Variants in RIMS2 observed in about 807,000 individuals in gnomAD.
RIMS2 encodes the protein regulating synaptic membrane exocytosis 2, also known as regulating synaptic membrane exocytosis protein 2.
A neutral mutation model predicts 174.4 loss-of-function variants in RIMS2; 59 were observed. That is an observed-to-expected ratio of 0.34 (90% confidence interval 0.27 to 0.42). The LOEUF (loss-of-function observed/expected upper bound fraction) is 0.42. RIMS2 is among the 10% of genes least tolerant of loss of function. RIMS2 has a pLI of 1.00. For synonymous variants in RIMS2, 606 were observed against 572.5 expected (o/e 1.06, Z -0.84); for missense variants, 1,620 against 1,666.3 (o/e 0.97, Z 0.48).
intron 1 of RIMS2, among the ~76,000 whole-genome samples, chr8:103,679,466 TA>T (rs2096853238): frequency 1.3e-5 from 2 of 152,140 alleles, no homozygotes; most frequent in East Asian, 3.9e-4. Context: ...AAGATTACTT[TA>T]AAAAGGAGTA....
At chr8:103,528,418 G>A (rs1225189736) in intron 1 of RIMS2, among the ~76,000 whole-genome samples, 1 of 152,044 alleles carries the variant, frequency 6.6e-6, no homozygotes, top group Non-Finnish European at 1.5e-5. Flanking sequence ...TGTCAATTTT[G>A]GCTTTTGTTG....
At chr8:103,980,807 G>A (rs1172125611) in intron 16 of RIMS2, among the ~76,000 whole-genome samples, 1 of 152,188 alleles carries the variant, frequency 6.6e-6, no homozygotes, top group Non-Finnish European at 1.5e-5. Flanking sequence ...TTGTGGTCCA[G>A]TGGTGGTAGA....
intron 1 of RIMS2, among the ~76,000 whole-genome samples, chr8:103,647,334 CA>C (rs1288086095): frequency 1.3e-5 from 2 of 150,790 alleles, no homozygotes; most frequent in Non-Finnish European, 2.9e-5. Flanking sequence ...GTTTTGGTAT[CA>C]ATGTGATATT....
intron 19 of RIMS2, among the ~76,000 whole-genome samples, chr8:104,078,962 A>G (rs2097353748): frequency 6.6e-6 from 1 of 152,172 alleles, no homozygotes; most frequent in Admixed American, 6.5e-5. Context: ...CTGATATTCA[A>G]GCATGGGTCC....
At chr8:103,689,470 A>G (rs1366376860) in intron 1 of RIMS2, among the ~76,000 whole-genome samples, 1 of 152,120 alleles carries the variant, frequency 6.6e-6, no homozygotes, top group African/African-American at 2.4e-5. Context: ...GTCTCCAGCT[A>G]TCATTGTATT....
At chr8:103,785,032 T>G (rs1209976226) in intron 3 of RIMS2, among the ~76,000 whole-genome samples, 1 of 141,694 alleles carries the variant, frequency 7.1e-6, no homozygotes, top group Non-Finnish European at 1.5e-5. Flanking sequence ...TTTGAAGCAA[T>G]TGTGAATGGG....
intron 19 of RIMS2, among the ~76,000 whole-genome samples, chr8:104,230,399 ACTTTGGGAGGCCGAGCCAGG>A (rs2099219440): frequency 6.6e-6 from 1 of 152,154 alleles, no homozygotes; most frequent in African/African-American, 2.4e-5. Flanking sequence ...TAATCTCAGC[ACTTTGGGAGGCCGAGCCAGG>A]TGGATCGCCT....
chr8:103,746,862 A>G (rs2097824793), intron 2 of RIMS2, among the ~76,000 whole-genome samples: 1 of 151,812 alleles, frequency 6.6e-6, no homozygotes, highest in African/African-American at 2.4e-5. Context: ...TTGTATTTTT[A>G]GTAGAGACAG....
chr8:103,704,737 A>AT, intron 2 of RIMS2, among the ~76,000 whole-genome samples: 1 of 151,726 alleles, frequency 6.6e-6, no homozygotes, highest in South Asian at 2.1e-4. Flanking sequence ...TTTCTTGTGT[A>AT]TTTTTCAATT....
chr8:103,752,699 T>C (rs2097910386), intron 2 of RIMS2, among the ~76,000 whole-genome samples: 1 of 152,204 alleles, frequency 6.6e-6, no homozygotes, highest in Non-Finnish European at 1.5e-5. Flanking sequence ...GAAGCAACTG[T>C]GAATGGGAGT....
chr8:103,765,846 C>T (rs1211658187), intron 2 of RIMS2, among the ~76,000 whole-genome samples: 3 of 151,954 alleles, frequency 2.0e-5, no homozygotes, highest in Admixed American at 1.3e-4. Context: ...GTTTCAGTTC[C>T]TTGTTGAAAG....
intron 19 of RIMS2, among the ~76,000 whole-genome samples, chr8:104,160,614 A>T (rs1321866472): frequency 1.3e-5 from 2 of 152,242 alleles, no homozygotes; most frequent in African/African-American, 2.4e-5. Context: ...TGAAGGTTGC[A>T]GTCATAATCA....
At chr8:103,749,132 G>A (rs1333485945) in intron 2 of RIMS2, among the ~76,000 whole-genome samples, 4 of 137,654 alleles carry the variant, frequency 2.9e-5, no homozygotes, top group African/African-American at 1.1e-4. Context: ...TCTTTTTTGA[G>A]ACGGGGTCTC....
chr8:104,176,570 C>A (rs1231249499), intron 19 of RIMS2, among the ~76,000 whole-genome samples: 1 of 151,814 alleles, frequency 6.6e-6, no homozygotes, highest in Admixed American at 6.6e-5. Context: ...ATCTTCATAG[C>A]TTTGGAGAGT....
chr8:103,774,665 C>G (rs945074003), intron 3 of RIMS2, among the ~76,000 whole-genome samples: 2 of 151,984 alleles, frequency 1.3e-5, no homozygotes, highest in African/African-American at 2.4e-5. Context: ...ATGGAAGAAG[C>G]TAGACACAAA....
At chr8:103,860,438 C>T (rs529891477) in intron 3 of RIMS2, among the ~76,000 whole-genome samples, 1 of 152,116 alleles carries the variant, frequency 6.6e-6, no homozygotes, top group South Asian at 2.1e-4. Flanking sequence ...TAGTATTTAG[C>T]AAATAGTACA....
At chr8:103,801,619 A>C (rs1463440140) in intron 3 of RIMS2, among the ~76,000 whole-genome samples, 1 of 152,296 alleles carries the variant, frequency 6.6e-6, no homozygotes, top group East Asian at 1.9e-4. Flanking sequence ...TTTTAGTGAT[A>C]ATTTCTCGTT....
At chr8:103,936,880 G>A (rs2081373966) in intron 13 of RIMS2, among the ~76,000 whole-genome samples, 158 bp downstream of exon 15, 1 of 152,080 alleles carries the variant, frequency 6.6e-6, no homozygotes, top group Non-Finnish European at 1.5e-5. Flanking sequence ...CGGATCACGA[G>A]GTCAGAAGAT....
chr8:103,703,631 G>A (rs998532896), intron 2 of RIMS2, among the ~76,000 whole-genome samples: 7 of 150,118 alleles, frequency 4.7e-5, no homozygotes, highest in Non-Finnish European at 7.4e-5. Flanking sequence ...CATGATAATA[G>A]GATACTTTTC....
Sources: gnomAD v4.1 joint callset for allele counts (sites outside exome capture counted in the v4.1 genomes callset) on GRCh38, gnomAD v4.1.1 for gene constraint, MANE v1.5 for transcripts, NCBI Gene and HGNC (gene_info 2026-07-23, HGNC 2026-07-21) for gene names.